CD226: variants seen among roughly 807,000 people sequenced by gnomAD.
CD226 encodes the protein CD226 molecule.
A neutral mutation model predicts 34.9 loss-of-function variants in CD226; 24 were observed. That is an observed-to-expected ratio of 0.69 (90% CI 0.50 to 0.97). CD226 has a LOEUF of 0.97. Ranked by LOEUF, CD226 falls within the 50% of genes least tolerant of loss-of-function variation. CD226 has a pLI of 0.00. For missense variants in CD226, 397 were observed against 412.7 expected, an observed-to-expected ratio of 0.96 and a Z score of 0.33; for synonymous variants, 148 against 147.4, an observed-to-expected ratio of 1.00 and a Z score of -0.03.
At chr18:69,869,114 C>A (rs932348521) in intron 4 of CD226, among the ~76,000 whole-genome samples, 4 of 152,112 alleles carry the variant, frequency 2.6e-5, no homozygotes, top group Non-Finnish European at 4.4e-5. Context: ...CAAAAACTTA[C>A]AGACAGAAAT....
chr18:69,941,196 G>C (rs2055719881), intron 2 of CD226, among the ~76,000 whole-genome samples: 1 of 152,248 alleles, frequency 6.6e-6, no homozygotes, highest in African/African-American at 2.4e-5. Flanking sequence ...AGCCCTCATG[G>C]AAGACCTCTG....
intron 2 of CD226, among the ~76,000 whole-genome samples, chr18:69,897,661 AAAG>A (rs756467985): frequency 6.6e-6 from 1 of 152,190 alleles, no homozygotes; most frequent in African/African-American, 2.4e-5. Flanking sequence ...GGAAGGAGAA[AAAG>A]AAGAGAGAAA....
chr18:69,882,367 T>G (rs1984313793), intron 3 of CD226, among the ~76,000 whole-genome samples: 1 of 152,338 alleles, frequency 6.6e-6, no homozygotes, highest in African/African-American at 2.4e-5. Flanking sequence ...ACGTTTTACC[T>G]ACACAATATA....
At chr18:69,876,027 T>C (rs74921269) in intron 3 of CD226, among the ~76,000 whole-genome samples, 12,061 of 152,234 alleles carry the variant, frequency 0.079, 487 homozygotes, top group Middle Eastern at 0.11. Flanking sequence ...TACTACACCA[T>C]GTTTATATAC....
intron 3 of CD226, among the ~76,000 whole-genome samples, chr18:69,877,236 A>T (rs1252921351): frequency 6.6e-6 from 1 of 152,124 alleles, no homozygotes; most frequent in East Asian, 1.9e-4. Context: ...GGTTTGGTTA[A>T]TCTGGTGGAG....
intron 5 of CD226, among the ~76,000 whole-genome samples, chr18:69,866,861 A>C (rs1402989719): frequency 6.6e-6 from 1 of 152,174 alleles, no homozygotes; most frequent in Non-Finnish European, 1.5e-5. Context: ...GAGAACAGTG[A>C]TGAGAGGGGC....
chr18:69,940,984 C>A (rs376008670), intron 2 of CD226, among the ~76,000 whole-genome samples: 79 of 152,302 alleles, frequency 5.2e-4, no homozygotes, highest in African/African-American at 1.8e-3. Context: ...TGCCCTATGT[C>A]CCAGCCACGG....
At chr18:69,917,975 C>T (rs1033010719) in intron 2 of CD226, among the ~76,000 whole-genome samples, 5 of 152,110 alleles carry the variant, frequency 3.3e-5, no homozygotes, top group African/African-American at 1.2e-4. Flanking sequence ...GTCAGCTGCC[C>T]ACTGAACCCA....
In CD226 at chr18:69,862,890, C is replaced by T. The variant is rs1325462339; in HGVS notation, c.*1424G>A. ...TTTCTAGATGGTGGTCTTTAGAAAT[C>T]TTTAGAGATAAATAATGAATCTTTT... On this transcript the variant is annotated 3_prime_UTR_variant, in exon 6 of 6. Transcript: ENST00000582621. 6.6e-6 allele frequency: 1 copy of T among 152,136 alleles called. No homozygotes were observed. The highest frequency in any genetic ancestry group is 1.5e-5 in the Non-Finnish European group (1 of 68,000). 9.4% of individuals were successfully genotyped at this position (152,136 alleles called of 1,614,324 possible).
upstream of CD226, among the ~76,000 whole-genome samples, chr18:69,952,013 T>C (rs2055858244): frequency 1.3e-5 from 2 of 152,162 alleles, no homozygotes; most frequent in African/African-American, 4.8e-5. Context: ...AACCAAGATA[T>C]GGAATCAACC....
At chr18:69,918,981 T>C (rs11151546) in intron 2 of CD226, among the ~76,000 whole-genome samples, 127,241 of 152,118 alleles carry the variant, frequency 0.84, 56,173 homozygotes, top group East Asian at 1. Flanking sequence ...TCAGAGGAGG[T>C]GGGGGCCATG....
At position 69,855,236 on chromosome 18, in the gene CD226, C is replaced by G. The variant is rs1394196076; in HGVS notation, c.*9078G>C. 6.6e-6 allele frequency: 1 copy of G among 151,682 alleles called. No homozygotes were observed. Among genetic ancestry groups the G allele is most frequent in the East Asian group, 1.9e-4 (1 of 5,180 alleles). The allele number at this position is 151,682 out of a possible 1,614,324, so 9.4% of individuals were successfully genotyped here. On this transcript the variant is annotated 3_prime_UTR_variant, in exon 6 of 6. Coordinates refer to ENST00000582621, the MANE Select transcript of CD226 (RefSeq NM_001303618.2). ...CGTGTCAGAATTATCAGACATGGAA[C>G]TTATCATTAATATGTTAAGAGCTCT...
chr18:69,942,821 A>G (rs1424093335), intron 2 of CD226, among the ~76,000 whole-genome samples: 1 of 152,162 alleles, frequency 6.6e-6, no homozygotes, highest in African/African-American at 2.4e-5. Flanking sequence ...TGCCTCTTAC[A>G]TGAACTTTAC....
intron 3 of CD226, among the ~76,000 whole-genome samples, chr18:69,886,393 T>G (rs1301167432): frequency 6.6e-6 from 1 of 152,170 alleles, no homozygotes; most frequent in Non-Finnish European, 1.5e-5. Context: ...TTATAACTCT[T>G]TCCTTGGGTC....
At chr18:69,876,352 A>T (rs1239845486) in intron 3 of CD226, among the ~76,000 whole-genome samples, 1 of 152,210 alleles carries the variant, frequency 6.6e-6, no homozygotes, top group Non-Finnish European at 1.5e-5. Context: ...TTAACAGTAT[A>T]ACCTGCTTGA....
At position 69,864,266 on chromosome 18, in the gene CD226, C is replaced by G; in HGVS notation, c.*48G>C. 1 of 1,598,112 alleles carries G rather than the reference C, an allele frequency of 6.3e-7. No homozygotes were observed. Among genetic ancestry groups the G allele is most frequent in the Non-Finnish European group, 8.6e-7 (1 of 1,168,164 alleles). On this transcript the variant is annotated 3_prime_UTR_variant, in exon 6 of 6. Coordinates refer to ENST00000582621, the MANE Select transcript of CD226 (RefSeq NM_001303618.2). The stretch of plus-strand genomic sequence containing the variant: ...GAAAAAAATTGCATAAAGATCCATG[C>G]ATGAGTACATAAGAGTCATTACTAA...
chr18:69,946,663 T>C (rs1239866630), intron 2 of CD226, 71 bp downstream of exon 2: 15 of 1,006,844 alleles, frequency 1.5e-5, no homozygotes, highest in Non-Finnish European at 2.2e-5. Flanking sequence ...TAGCTTCTAC[T>C]TGGGCTTTAT....
At chr18:69,944,301 A>T (rs912537683) in intron 2 of CD226, among the ~76,000 whole-genome samples, 21 of 152,196 alleles carry the variant, frequency 1.4e-4, no homozygotes, top group African/African-American at 5.1e-4. Flanking sequence ...AACTAGACGG[A>T]CAGCCGGTAT....
upstream of CD226, among the ~76,000 whole-genome samples, chr18:69,950,312 G>A (rs2055841187): frequency 6.6e-6 from 1 of 152,196 alleles, no homozygotes; most frequent in African/African-American, 2.4e-5. Context: ...TCAAAACAGA[G>A]TGTACGGCCA....
Sources: allele counts gnomAD v4.1 joint callset (sites outside exome capture counted in the v4.1 genomes callset), GRCh38; gene constraint gnomAD v4.1.1; transcripts MANE v1.5; gene names NCBI Gene and HGNC (gene_info 2026-07-23, HGNC 2026-07-21).